The following NLRP5 variants were observed in gnomAD, a reference collection of about 807,000 sequenced individuals.
NLRP5 encodes NLR family pyrin domain containing 5.
In NLRP5, 93 loss-of-function variants were observed where a neutral mutation model predicts 113.1. The observed-to-expected ratio is 0.82, with a 90% CI of 0.70 to 0.98. The LOEUF (loss-of-function observed/expected upper bound fraction) is 0.98, where lower values mean the gene tolerates loss of function less well. Ranked by LOEUF, NLRP5 falls within the 50% of genes least tolerant of loss-of-function variation. The pLI, the probability that NLRP5 is intolerant of heterozygous loss-of-function variation, is 0.00. For missense variants in NLRP5, 1,808 were observed against 1,514.3 expected, an observed-to-expected ratio of 1.19 and a Z score of -3.22; for synonymous variants, 751 against 600.7, an observed-to-expected ratio of 1.25 and a Z score of -3.66.
At chr19:55,992,655 T>C in the NLRP5 span, among the ~76,000 whole-genome samples, 1 of 152,186 alleles carries the variant, frequency 6.6e-6, no homozygotes, top group African/African-American at 2.4e-5. Flanking sequence ...TTTTCTCCTT[T>C]GTTGACAAAT....
the NLRP5 span, among the ~76,000 whole-genome samples, chr19:55,992,200 C>T: frequency 7.8e-4 from 119 of 152,274 alleles, 1 homozygote; most frequent in African/African-American, 2.3e-3. Context: ...GACATGATCT[C>T]ATTCTTTTTT....
intron 3 of NLRP5, among the ~76,000 whole-genome samples, chr19:56,014,650 A>T (rs1379475126): frequency 6.6e-6 from 1 of 152,118 alleles, no homozygotes; most frequent in Non-Finnish European, 1.5e-5. Flanking sequence ...TTGTGTGTAG[A>T]TAACCAGTTC....
At chr19:56,007,892 CGTGCGCGCGTGCGTGTGTGTGTGTGT>C (rs1981992506) in intron 2 of NLRP5, among the ~76,000 whole-genome samples, 1 of 106,846 alleles carries the variant, frequency 9.4e-6, no homozygotes, top group Admixed American at 8.9e-5. Flanking sequence ...TGTGTGTGCG[CGTGCGCGCGTGCGTGTGTGTGTGTGT>C]GTGTGTGTGT....
At chr19:56,025,557 C>G (rs1460960890) in intron 6 of NLRP5, among the ~76,000 whole-genome samples, 3 of 136,986 alleles carry the variant, frequency 2.2e-5, no homozygotes, top group Non-Finnish European at 4.7e-5. Flanking sequence ...AGGCGCCCGC[C>G]AACATGTCTG....
At chr19:55,998,696 A>ACG (rs1485958449), upstream of NLRP5, among the ~76,000 whole-genome samples, 5,493 of 60,498 alleles carry the variant, frequency 0.091, 377 homozygotes, top group Middle Eastern at 0.11. Flanking sequence ...ATATATATAT[A>ACG]TATATATGTG....
intron 3 of NLRP5, among the ~76,000 whole-genome samples, chr19:56,015,384 CG>C (rs1220794314): frequency 2.0e-5 from 3 of 152,018 alleles, no homozygotes; most frequent in African/African-American, 7.2e-5. Context: ...TTAGTAGAGA[CG>C]GGGTTTCACC....
intron 3 of NLRP5, among the ~76,000 whole-genome samples, chr19:56,010,184 G>A (rs753695513): frequency 5.9e-5 from 9 of 151,314 alleles, no homozygotes; most frequent in Admixed American, 2.0e-4. Flanking sequence ...ATCACGCACC[G>A]TGCCAGTGCT....
chr19:56,019,234 A>G, intron 4 of NLRP5, 108 bp from the exon 5 acceptor site: 1 of 1,252,904 alleles, frequency 8.0e-7, no homozygotes, highest in Non-Finnish European at 1.1e-6. Flanking sequence ...CATGTTTTCA[A>G]CTGGCCAGAA....
chr19:56,036,087 A>G (rs544796100), intron 9 of NLRP5, among the ~76,000 whole-genome samples: 17 of 95,480 alleles, frequency 1.8e-4, no homozygotes, highest in African/African-American at 9.5e-4. Flanking sequence ...TTTTGGAGAC[A>G]GAGTCTTGCT....
rs1555770466 is a variant in NLRP5 at position 56,048,979 on chromosome 19, A to AAT, written c.2958-1439_2958-1438insAT. ...CTTCAAGCTCTGATTTTTTTTTTTA[A>AAT]TTTTTTTTTTTTTTTTTTTTGAGAC... On this transcript the variant is annotated intron_variant, in intron 11 of 14. Transcript: ENST00000390649. Among the ~76,000 whole-genome samples, 53 of 94,940 alleles carry AAT rather than the reference A, an allele frequency of 5.6e-4. 1 individual carries two copies. The highest frequency in any genetic ancestry group is 1.1e-3 in the African/African-American group (25 of 22,918). The allele number at this position is 94,940 out of a possible 152,430, so 62.3% of individuals were successfully genotyped here.
chr19:56,007,914 T>TGCGTGCGCGC (rs1568483131), intron 2 of NLRP5, among the ~76,000 whole-genome samples: 1 of 29,552 alleles, frequency 3.4e-5, no homozygotes, highest in African/African-American at 7.0e-5. Flanking sequence ...CGTGTGTGTG[T>TGCGTGCGCGC]GTGTGTGTGT....
At position 56,061,498 on chromosome 19, in the gene NLRP5, T is replaced by C. The variant is rs1984352426; in HGVS notation, c.3573T>C (p.Asp1191=). 2 of 1,614,034 alleles carry C rather than the reference T, an allele frequency of 1.2e-6. No homozygotes were observed. Among genetic ancestry groups the C allele is most frequent in the Non-Finnish European group, 1.7e-6 (2 of 1,179,892 alleles). ...TTGACGGTAGTTGGCATTCTTTTGA[T>C]GAAGATGACCGGTACTGGTGGAAAA... Residue 1191 remains aspartate, a synonymous_variant, in exon 15 of 15, where the codon GAT becomes GAC. Coordinates refer to ENST00000390649, the MANE Select transcript of NLRP5 (RefSeq NM_153447.4).
chr19:55,991,634 C>A, the NLRP5 span, among the ~76,000 whole-genome samples: 5 of 152,276 alleles, frequency 3.3e-5, no homozygotes, highest in Admixed American at 2.6e-4. Context: ...TTCATCGTTA[C>A]ATTTGTTACC....
chr19:56,027,348 A>G lies in NLRP5; in HGVS notation c.1115A>G (p.Asn372Ser), dbSNP rs571037392. 1 of 1,613,272 alleles carries G rather than the reference A, an allele frequency of 6.2e-7. No homozygotes were observed. Among genetic ancestry groups the G allele is most frequent in the South Asian group, 1.1e-5 (1 of 91,026 alleles). Residue 372 changes from asparagine (N) to serine (S), a missense_variant, in exon 7 of 15, where the codon AAC (asparagine) becomes AGC (serine). Physicochemically the swap from Asn to Ser is conservative, Grantham distance 46. Coordinates refer to ENST00000390649, the MANE Select transcript of NLRP5 (RefSeq NM_153447.4). Reference sequence around the variant, plus strand: ...TTCGATGACCTGGGCTCTGTCCTCAACAATGACACAAAGCTCTGCAAAGAC... The same window carrying G: ...TTCGATGACCTGGGCTCTGTCCTCAGCAATGACACAAAGCTCTGCAAAGAC...
intron 2 of NLRP5, among the ~76,000 whole-genome samples, chr19:56,006,289 T>C (rs943088502): frequency 6.6e-6 from 1 of 151,532 alleles, no homozygotes; most frequent in African/African-American, 2.4e-5. Context: ...GTGGGGGAAG[T>C]GGGGAGTGAT....
At position 56,038,900 on chromosome 19, in the gene NLRP5, T is replaced by C. The variant is rs1316885637; in HGVS notation, c.2786+705T>C. 1.3e-5 allele frequency among the ~76,000 whole-genome samples: 2 copies of C among 152,134 alleles called. 1 individual carries two copies. Among genetic ancestry groups the C allele is most frequent in the African/African-American group, 4.8e-5 (2 of 41,434 alleles). ...GATCCTAGCTCACTACAGCCTCAAC[T>C]CTTGGGCCCAAGTGATCCTCCCGTC... On this transcript the variant is annotated intron_variant, in intron 10 of 14. Transcript: ENST00000390649.
chr19:56,031,627 CAAA>C (rs36019339), intron 7 of NLRP5, among the ~76,000 whole-genome samples: 14 of 113,158 alleles, frequency 1.2e-4, no homozygotes, highest in South Asian at 2.9e-4. Context: ...ACTCCGTCTC[CAAA>C]AAAAAAAAAA....
At chr19:56,023,284 G>A (rs545394314) in intron 6 of NLRP5, among the ~76,000 whole-genome samples, 8 of 152,290 alleles carry the variant, frequency 5.3e-5, no homozygotes, top group African/African-American at 1.4e-4. Flanking sequence ...CAGTGGCACT[G>A]CCAGTCCTCT....
At chr19:56,002,966 G>C (rs1243188670) in intron 1 of NLRP5, among the ~76,000 whole-genome samples, 2 of 151,898 alleles carry the variant, frequency 1.3e-5, no homozygotes, top group Non-Finnish European at 2.9e-5. Flanking sequence ...ACAGGTGCTG[G>C]AGAGGATGTG....
Sources: allele counts gnomAD v4.1 joint callset (sites outside exome capture counted in the v4.1 genomes callset), GRCh38; gene constraint gnomAD v4.1.1; transcripts MANE v1.5; gene names NCBI Gene and HGNC (gene_info 2026-07-23, HGNC 2026-07-21).